Variants in MAGI3 observed in about 807,000 individuals in gnomAD.
The protein encoded by MAGI3 is membrane associated guanylate kinase, WW and PDZ domain containing 3, also known as membrane-associated guanylate kinase, WW and PDZ domain-containing protein 3.
A neutral mutation model predicts 121.8 loss-of-function variants in MAGI3; 43 were observed. That is an observed-to-expected ratio of 0.35 (90% CI 0.28 to 0.46). MAGI3 has a LOEUF of 0.46. Among genes scored for constraint, MAGI3 ranks in the 20% least tolerant of loss-of-function variants. The pLI is 1.00. For missense variants in MAGI3, 1,547 were observed against 1,797.3 expected (o/e 0.86, Z 2.52); for synonymous variants, 553 against 639.3 (o/e 0.86, Z 2.04).
intron 1 of MAGI3, among the ~76,000 whole-genome samples, chr1:113,396,046 G>C (rs1651097485): frequency 6.6e-6 from 1 of 151,700 alleles, no homozygotes; most frequent in Non-Finnish European, 1.5e-5. Context: ...TTTTTTTTCT[G>C]CTAATTTATG....
intron 1 of MAGI3, among the ~76,000 whole-genome samples, chr1:113,439,710 T>C (rs932233607): frequency 6.6e-6 from 1 of 152,222 alleles, no homozygotes; most frequent in Non-Finnish European, 1.5e-5. Flanking sequence ...CCAGGGAATG[T>C]GCTTAATTGT....
intron 2 of MAGI3, among the ~76,000 whole-genome samples, chr1:113,568,979 C>T (rs1251000796): frequency 1.3e-5 from 2 of 152,044 alleles, no homozygotes; most frequent in Non-Finnish European, 2.9e-5. Flanking sequence ...AATACAATTT[C>T]TTAAAAAGGT....
intron 1 of MAGI3, among the ~76,000 whole-genome samples, chr1:113,537,214 G>T (rs1389010993): frequency 6.6e-6 from 1 of 152,130 alleles, no homozygotes; most frequent in Admixed American, 6.5e-5. Flanking sequence ...GAACATTTTG[G>T]TAGCTTTATC....
chr1:113,588,286 C>G (rs933265980), intron 4 of MAGI3, among the ~76,000 whole-genome samples: 1 of 152,080 alleles, frequency 6.6e-6, no homozygotes, highest in African/African-American at 2.4e-5. Context: ...GAGATGGGAA[C>G]ATACCTAGAA....
At chr1:113,511,709 T>C (rs1165807439) in intron 1 of MAGI3, among the ~76,000 whole-genome samples, 1 of 152,214 alleles carries the variant, frequency 6.6e-6, no homozygotes, top group African/African-American at 2.4e-5. Flanking sequence ...AATTAAAAGA[T>C]TGGGTCAGAT....
At chr1:113,555,744 A>T (rs569059780) in intron 2 of MAGI3, among the ~76,000 whole-genome samples, 8 of 152,044 alleles carry the variant, frequency 5.3e-5, no homozygotes, top group South Asian at 2.1e-4. Flanking sequence ...ACAAAAAAAA[A>T]TTTTTTTAAT....
chr1:113,683,508 C>G lies in MAGI3; in HGVS notation c.3940C>G (p.Arg1314Gly). Residue 1314 changes from arginine to glycine, a missense_variant, in exon 21 of 21, where the codon CGA becomes GGA. Physicochemically the swap from Arg to Gly is moderately radical, Grantham distance 125. Transcript: ENST00000307546. ...GGCCAAATTATTAGAGGGTAAGAGT[C>G]GAAGAATAGCAGGCTATACGGGCAG... ...AEAKLLEGKS[R>G]RIAGYTGSNA... 2 of 1,613,772 alleles carry G rather than the reference C, an allele frequency of 1.2e-6. No individual in the cohort carries two copies. The highest frequency in any genetic ancestry group is 1.7e-6 in the Non-Finnish European group (2 of 1,179,854).
Position 113,599,246 on chromosome 1 carries a change from A to C in MAGI3, c.1018+4686A>C, listed in dbSNP as rs571356597. 9.8e-3 allele frequency among the ~76,000 whole-genome samples: 1,499 copies of C among 152,274 alleles called. 10 individuals carry two copies. Among genetic ancestry groups the C allele is most frequent in the Non-Finnish European group, 0.016 (1,076 of 68,014 alleles). The stretch of plus-strand genomic sequence containing the variant: ...GAGCAGAACTGAAGGAAATAGAGAC[A>C]CAAAAAACCCTTCAAAAAATTAATG... On this transcript the variant is annotated intron_variant, in intron 6 of 20. Coordinates refer to ENST00000307546, the MANE Select transcript of MAGI3 (RefSeq NM_001142782.2).
Position 113,490,530 on chromosome 1 carries a change from C to A in MAGI3, c.317-58985C>A, listed in dbSNP as rs187803989. On this transcript the variant is annotated intron_variant, in intron 1 of 20. Transcript: ENST00000307546. The stretch of plus-strand genomic sequence containing the variant: ...AGTGTCAGATCCAAACATACTAATA[C>A]TAACCTTGAATGTAATGAGCTAAAT... Among the ~76,000 whole-genome samples the A allele has an allele frequency of 2.0e-5, 3 of 152,272 alleles. No individual in the cohort carries two copies. The East Asian group carries it at 5.8e-4, about 29-fold the overall frequency.
intron 1 of MAGI3, among the ~76,000 whole-genome samples, chr1:113,515,159 TA>T (rs1553194330): frequency 5.3e-5 from 8 of 151,878 alleles, no homozygotes; most frequent in South Asian, 2.1e-4. Context: ...GTAAAAATGG[TA>T]AAAAAAAATT....
intron 1 of MAGI3, among the ~76,000 whole-genome samples, chr1:113,510,881 TGCC>T (rs1657582134): frequency 6.6e-6 from 1 of 152,232 alleles, no homozygotes; most frequent in African/African-American, 2.4e-5. Context: ...ATCCTTATTT[TGCC>T]GCTCAAATGT....
intron 1 of MAGI3, among the ~76,000 whole-genome samples, chr1:113,468,315 T>G (rs72687938): frequency 0.15 from 23,162 of 152,142 alleles, 2,791 homozygotes; most frequent in East Asian, 0.63. Flanking sequence ...GTTATTTTCT[T>G]TGGTAGAATG....
Position 113,554,780 on chromosome 1 carries a change from A to G in MAGI3, c.433+5149A>G, listed in dbSNP as rs1227294033. On this transcript the variant is annotated intron_variant, in intron 2 of 20. Coordinates refer to ENST00000307546, the MANE Select transcript of MAGI3 (RefSeq NM_001142782.2). The stretch of plus-strand genomic sequence containing the variant: ...ATAGATCCCAAGCAGAAGAAATGTG[A>G]AGAAAACCATATCAAAGGACATCAT... Among the ~76,000 whole-genome samples, 3 of 152,172 alleles carry G rather than the reference A, an allele frequency of 2.0e-5. No individual in the cohort carries two copies. The East Asian group carries it at 5.8e-4, about 29-fold the overall frequency.
At chr1:113,679,973 G>A (rs1022212544) in intron 19 of MAGI3, among the ~76,000 whole-genome samples, 2 of 152,150 alleles carry the variant, frequency 1.3e-5, no homozygotes, top group South Asian at 2.1e-4. Flanking sequence ...CCAGAGAGCT[G>A]GGATTACAGG....
rs1485026888 is a variant in MAGI3 at position 113,416,027 on chromosome 1, T to C, written c.316+24678T>C. The stretch of plus-strand genomic sequence containing the variant: ...TTACATATATTAATTATGTAATTAA[T>C]GACACATATTAATTATGTAATTAAT... On this transcript the variant is annotated intron_variant, in intron 1 of 20. Coordinates refer to ENST00000307546, the MANE Select transcript of MAGI3 (RefSeq NM_001142782.2). Among the ~76,000 whole-genome samples the C allele has an allele frequency of 1.0e-4, 15 of 148,906 alleles. 1 individual carries two copies. The highest frequency in any genetic ancestry group is 1.9e-4 in the Non-Finnish European group (13 of 67,396).
intron 1 of MAGI3, among the ~76,000 whole-genome samples, chr1:113,456,964 G>C (rs1654790823): frequency 1.3e-5 from 2 of 151,996 alleles, no homozygotes; most frequent in Non-Finnish European, 2.9e-5. Context: ...AGGCCGATTG[G>C]TTATATCTAG....
intron 12 of MAGI3, among the ~76,000 whole-genome samples, chr1:113,648,783 TGA>T (rs1652994891): frequency 6.6e-6 from 1 of 152,170 alleles, no homozygotes; most frequent in South Asian, 2.1e-4. Flanking sequence ...AATACTTTTC[TGA>T]GAGAAAGGTA....
chr1:113,514,863 A>G (rs1249589044), intron 1 of MAGI3, among the ~76,000 whole-genome samples: 1 of 152,146 alleles, frequency 6.6e-6, no homozygotes, highest in African/African-American at 2.4e-5. Flanking sequence ...ACTCCAGGAT[A>G]TGAAAGATGG....
At chr1:113,599,182 A>G (rs1036792636) in intron 6 of MAGI3, among the ~76,000 whole-genome samples, 23 of 152,188 alleles carry the variant, frequency 1.5e-4, no homozygotes, top group Non-Finnish European at 3.2e-4. Flanking sequence ...GAGCAAACAC[A>G]TTCAAAAGCT....
Sources: allele counts gnomAD v4.1 joint callset (sites outside exome capture counted in the v4.1 genomes callset), GRCh38; gene constraint gnomAD v4.1.1; transcripts MANE v1.5; gene names NCBI Gene and HGNC (gene_info 2026-07-23, HGNC 2026-07-21).